The following THEM4 variants were observed in gnomAD, a reference collection of about 807,000 sequenced individuals.
THEM4 encodes the protein acyl-coenzyme A thioesterase THEM4.
A neutral mutation model predicts 25.0 loss-of-function variants in THEM4; 22 were observed. The ratio of observed to expected loss-of-function variants is 0.88; its 90% CI spans 0.63 to 1.26. THEM4 has a LOEUF of 1.26. THEM4 is among the 50% of genes most tolerant of loss of function. The pLI is 0.00. For synonymous variants in THEM4, 113 were observed against 105.6 expected (o/e 1.07, Z -0.43); for missense variants, 286 against 300.3 (o/e 0.95, Z 0.35).
At chr1:151,876,790 T>C (rs150885464) in intron 5 of THEM4, among the ~76,000 whole-genome samples, 1 of 152,190 alleles carries the variant, frequency 6.6e-6, no homozygotes, top group Non-Finnish European at 1.5e-5. Flanking sequence ...TTACTAGCAA[T>C]GTATAAGAAT....
At chr1:151,890,097 G>A (rs1045294153) in intron 2 of THEM4, 26 of 384,494 alleles carry the variant, frequency 6.8e-5, no homozygotes, top group Admixed American at 4.5e-4. Context: ...GTAGAGACGG[G>A]GTTTCTCCGT....
intron 5 of THEM4, 40 bp from the exon 6 acceptor site, chr1:151,874,968 TGAC>T (rs771879954): frequency 6.6e-7 from 1 of 1,506,584 alleles, no homozygotes; most frequent in Non-Finnish European, 9.2e-7. Flanking sequence ...ATATGTCAAC[TGAC>T]TTCAATTTGA....
intron 5 of THEM4, 132 bp downstream of exon 5, chr1:151,876,869 G>A: frequency 9.2e-7 from 1 of 1,086,820 alleles, no homozygotes; most frequent in East Asian, 2.5e-5. Context: ...ATAATACCAG[G>A]GCAAAAAACC....
At position 151,899,102 on chromosome 1, in the gene THEM4, T is replaced by G. The variant is rs550853500; in HGVS notation, c.100-3908A>C. ...AAACCAAGAAGAAATCCCTGATTTATCTGAAAAAGAATTCAGGAGGTTAGC... is the reference window on the plus strand; with the variant it reads ...AAACCAAGAAGAAATCCCTGATTTAGCTGAAAAAGAATTCAGGAGGTTAGC... On this transcript the variant is annotated intron_variant, in intron 1 of 5. Coordinates refer to ENST00000368814, the MANE Select transcript of THEM4 (RefSeq NM_053055.5). Among the ~76,000 whole-genome samples the G allele has an allele frequency of 5.9e-5, 9 of 152,304 alleles. No homozygotes were observed. In the East Asian group the frequency reaches 1.4e-3, roughly 23 times the overall value.
At chr1:151,906,342 G>C (rs1042618772) in intron 1 of THEM4, among the ~76,000 whole-genome samples, 1 of 152,246 alleles carries the variant, frequency 6.6e-6, no homozygotes, top group Non-Finnish European at 1.5e-5. Context: ...CGCTGCGCTC[G>C]ATTTCTCACT....
At chr1:151,879,256 G>T (rs572279490) in intron 4 of THEM4, among the ~76,000 whole-genome samples, 158 of 152,238 alleles carry the variant, frequency 1.0e-3, no homozygotes, top group African/African-American at 3.7e-3. Context: ...ACGAGACTGG[G>T]TCTCTCAATC....
Position 151,895,152 on chromosome 1 carries a change from C to T in THEM4, c.142G>A (p.Val48Ile), listed in dbSNP as rs149559936. The change falls in exon 2 of 6, where the codon GTC (valine) becomes ATC (isoleucine). Residue 48 changes from valine (V) to isoleucine (I), a missense_variant. Coordinates refer to ENST00000368814, the MANE Select transcript of THEM4 (RefSeq NM_053055.5). ...SEEVILKDCSVPNPSWNKDLR... is the reference protein window; with the variant it reads ...SEEVILKDCSIPNPSWNKDLR... ...TCCTTGTTCCAGCTGGGGTTGGGGACAGAACAGTCCTTAAGAATGACTTCC... is the reference window on the plus strand; with the variant it reads ...TCCTTGTTCCAGCTGGGGTTGGGGATAGAACAGTCCTTAAGAATGACTTCC... The T allele has an allele frequency of 1.6e-5, 26 of 1,613,656 alleles. No homozygotes were observed. The highest frequency in any genetic ancestry group is 6.8e-6 in the Non-Finnish European group (8 of 1,179,960).
chr1:151,876,401 T>C (rs1234960437), intron 5 of THEM4, among the ~76,000 whole-genome samples: 1 of 152,048 alleles, frequency 6.6e-6, no homozygotes, highest in Non-Finnish European at 1.5e-5. Context: ...TTATTATACC[T>C]GTGAGATAAA....
At chr1:151,894,082 T>A (rs1654158734) in intron 2 of THEM4, among the ~76,000 whole-genome samples, 1 of 152,102 alleles carries the variant, frequency 6.6e-6, no homozygotes, top group Non-Finnish European at 1.5e-5. Context: ...AGGCTGGTCT[T>A]AAACCCCTGA....
rs1436520135 is a variant in THEM4 at position 151,872,184 on chromosome 1, G to A, written c.*2704C>T. ...GGGCCCTTGCAACTTGAGAACTGGA[G>A]TTGGGCACTAGAGACAGGGCTTCCA... is the stretch of plus-strand genomic sequence containing the variant. On this transcript the variant is annotated 3_prime_UTR_variant, in exon 6 of 6. Coordinates refer to ENST00000368814, the MANE Select transcript of THEM4 (RefSeq NM_053055.5). 6.6e-6 allele frequency among the ~76,000 whole-genome samples: 1 copy of A among 152,170 alleles called. No individual in the cohort carries two copies. The highest frequency in any genetic ancestry group is 1.5e-5 in the Non-Finnish European group (1 of 68,030).
chr1:151,909,378 G>C lies in THEM4; in HGVS notation c.81C>G (p.Ser27Arg). The change falls in exon 1 of 6, where the codon AGC becomes AGG. Residue 27 changes from serine to arginine, a missense_variant. Coordinates refer to ENST00000368814, the MANE Select transcript of THEM4 (RefSeq NM_053055.5). ...GACTCACCAGCTCGGGTCGCGGCTC[G>C]CTTCCCGGCAGGCGCCGGCCTACTG... is the stretch of plus-strand genomic sequence containing the variant. ...LPPVGRRLPG[S>R]EPRPELRSFS... 6.6e-7 allele frequency: 1 copy of C among 1,507,050 alleles called. No individual in the cohort carries two copies. Among genetic ancestry groups the C allele is most frequent in the Non-Finnish European group, 8.8e-7 (1 of 1,133,972 alleles). The allele number at this position is 1,507,050 out of a possible 1,614,324, so 93.4% of individuals were successfully genotyped here.
At chr1:151,895,264 T>C in intron 1 of THEM4, 70 bp from the exon 2 acceptor site, 1 of 1,288,690 alleles carries the variant, frequency 7.8e-7, no homozygotes, top group Non-Finnish European at 1.1e-6. Context: ...ATTCTCCCAA[T>C]TTCTAAGATT....
intron 5 of THEM4, 32 bp from the exon 6 acceptor site, chr1:151,874,960 A>G (rs2101713664): frequency 6.4e-7 from 1 of 1,557,352 alleles, no homozygotes; most frequent in Non-Finnish European, 8.9e-7. Context: ...AGATGATTAT[A>G]TGTCAACTGA....
Position 151,909,368 on chromosome 1 carries a change from G to T in THEM4, c.91C>A (p.Pro31Thr). 6.6e-7 allele frequency: 1 copy of T among 1,509,870 alleles called. No individual in the cohort carries two copies. The highest frequency in any genetic ancestry group is 2.1e-5 in the Admixed American group (1 of 47,896). 93.5% of individuals were successfully genotyped at this position (1,509,870 alleles called of 1,614,324 possible). A position where few individuals can be genotyped will look rare whatever the true frequency, so the allele number is the denominator to read the frequency against. ...AGGGTGCCCAGACTCACCAGCTCGG[G>T]TCGCGGCTCGCTTCCCGGCAGGCGC... ...GRRLPGSEPRPELRSFSSEEV... is the reference protein window; with the variant it reads ...GRRLPGSEPRTELRSFSSEEV... The change falls in exon 1 of 6, where the codon CCC becomes ACC. Residue 31 changes from proline to threonine, a missense_variant. Transcript: ENST00000368814.
At position 151,873,709 on chromosome 1, in the gene THEM4, G is replaced by T. The variant is rs1653606042; in HGVS notation, c.*1179C>A. 6.6e-6 allele frequency: 1 copy of T among 152,192 alleles called. No individual in the cohort carries two copies. The highest frequency in any genetic ancestry group is 2.4e-5 in the African/African-American group (1 of 41,450). 9.4% of individuals were successfully genotyped at this position (152,192 alleles called of 1,614,324 possible). A position where few individuals can be genotyped will look rare whatever the true frequency, so the allele number is the denominator to read the frequency against. On this transcript the variant is annotated 3_prime_UTR_variant, in exon 6 of 6. Coordinates refer to ENST00000368814, the MANE Select transcript of THEM4 (RefSeq NM_053055.5). ...TATAAAAAGAGGAGACTTGGACACAGAGATAGATCTGCACAGAGGGAAGAC... is the reference window on the plus strand; with the variant it reads ...TATAAAAAGAGGAGACTTGGACACATAGATAGATCTGCACAGAGGGAAGAC...
At chr1:151,892,895 A>C (rs1020283507) in intron 2 of THEM4, among the ~76,000 whole-genome samples, 14 of 152,208 alleles carry the variant, frequency 9.2e-5, no homozygotes, top group Admixed American at 4.6e-4. Context: ...GAAGGGTTTG[A>C]GGATGGGGAA....
chr1:151,899,979 A>T (rs1654317131), intron 1 of THEM4, among the ~76,000 whole-genome samples: 1 of 152,250 alleles, frequency 6.6e-6, no homozygotes, highest in Non-Finnish European at 1.5e-5. Context: ...CCTACAAGCC[A>T]GAAGGGATTG....
intron 2 of THEM4, chr1:151,890,398 G>T: frequency 4.5e-6 from 1 of 223,828 alleles, no homozygotes. Flanking sequence ...AAGAAATAGT[G>T]CATTTATCCT....
intron 1 of THEM4, among the ~76,000 whole-genome samples, chr1:151,908,924 CTAAT>C (rs1453516730): frequency 2.0e-5 from 3 of 152,068 alleles, no homozygotes; most frequent in Non-Finnish European, 2.9e-5. Context: ...AAAAAGATCT[CTAAT>C]TAATTGACCT....
Sources: allele counts gnomAD v4.1 joint callset (sites outside exome capture counted in the v4.1 genomes callset), GRCh38; gene constraint gnomAD v4.1.1; transcripts MANE v1.5; gene names NCBI Gene and HGNC (gene_info 2026-07-23, HGNC 2026-07-21).